MGAT4C: variants seen among roughly 807,000 people sequenced by gnomAD.
The protein encoded by MGAT4C is alpha-1,3-mannosyl-glycoprotein 4-beta-N-acetylglucosaminyltransferase C.
Under a neutral mutation model 40.1 loss-of-function variants are expected in MGAT4C, and 19 were observed. The ratio of observed to expected loss-of-function variants is 0.47; its 90% confidence interval spans 0.33 to 0.70. The LOEUF (loss-of-function observed/expected upper bound fraction) is 0.70, where lower values mean the gene tolerates loss of function less well. Ranked by LOEUF, MGAT4C falls within the 30% of genes least tolerant of loss-of-function variation. The probability of loss-of-function intolerance (pLI) is 0.02; values close to 1 mark genes in which losing one functional copy is unlikely to be tolerated. For missense variants in MGAT4C, 491 were observed against 563.2 expected (o/e 0.87, Z 1.30); for synonymous variants, 181 against 187.1 (o/e 0.97, Z 0.27).
At chr12:86,172,666 A>G (rs1886976938) in intron 1 of MGAT4C, among the ~76,000 whole-genome samples, 1 of 152,106 alleles carries the variant, frequency 6.6e-6, no homozygotes, top group Non-Finnish European at 1.5e-5. Context: ...AGTTGTCTGT[A>G]CATCCTATAA....
At chr12:86,649,556 A>G (rs1448408994) in intron 2 of MGAT4C, among the ~76,000 whole-genome samples, 1 of 151,804 alleles carries the variant, frequency 6.6e-6, no homozygotes, top group African/African-American at 2.4e-5. Context: ...TTATTCTGTT[A>G]TAAGAAGAGA....
chr12:86,692,974 T>C (rs1482435225), intron 2 of MGAT4C, among the ~76,000 whole-genome samples: 1 of 152,174 alleles, frequency 6.6e-6, no homozygotes, highest in Non-Finnish European at 1.5e-5. Flanking sequence ...ATGGACCTTC[T>C]GTAACTAGAG....
At chr12:86,446,944 C>T (rs1277249086) in intron 2 of MGAT4C, among the ~76,000 whole-genome samples, 1 of 151,654 alleles carries the variant, frequency 6.6e-6, no homozygotes. Flanking sequence ...AGAAGTTTTA[C>T]TGGGCCATGC....
intron 2 of MGAT4C, among the ~76,000 whole-genome samples, chr12:86,689,801 A>C (rs891904376): frequency 2.0e-5 from 3 of 152,196 alleles, no homozygotes; most frequent in Non-Finnish European, 4.4e-5. Context: ...TCAGGGACCC[A>C]CTTGAGCAGG....
chr12:86,053,502 A>G (rs999574716), intron 1 of MGAT4C, among the ~76,000 whole-genome samples: 6 of 151,880 alleles, frequency 4.0e-5, no homozygotes, highest in African/African-American at 1.4e-4. Flanking sequence ...CATAATCTCT[A>G]TAATACTGGT....
At chr12:86,477,367 C>T (rs531173560) in intron 2 of MGAT4C, among the ~76,000 whole-genome samples, 95 of 151,940 alleles carry the variant, frequency 6.3e-4, no homozygotes, top group African/African-American at 2.3e-3. Context: ...ATATTGAGTT[C>T]TCATGGGCAT....
chr12:86,257,622 T>G (rs969957429), upstream of MGAT4C, among the ~76,000 whole-genome samples: 1 of 152,236 alleles, frequency 6.6e-6, no homozygotes, highest in Non-Finnish European at 1.5e-5. Flanking sequence ...ACTTGTTACA[T>G]TCCCTCTGCA....
intron 4 of MGAT4C, among the ~76,000 whole-genome samples, chr12:86,329,845 C>G (rs545282852): frequency 6.6e-6 from 1 of 152,220 alleles, no homozygotes; most frequent in South Asian, 2.1e-4. Flanking sequence ...TGGTAAATCC[C>G]CTGCAGATCT....
Position 86,051,065 on chromosome 12 carries a change from G to T in MGAT4C, c.-56-1342C>A, listed in dbSNP as rs368944552. Among the ~76,000 whole-genome samples, 4 of 152,048 alleles carry T rather than the reference G, an allele frequency of 2.6e-5. No individual in the cohort carries two copies. The East Asian group carries it at 7.7e-4, about 29-fold the overall frequency. ...GCATTGTGTATTTGGTCACAGCAAG[G>T]TGTTTGGTTTATGGAGTTTATGTTT... On this transcript the variant is annotated intron_variant, in intron 1 of 4. Coordinates refer to ENST00000611864, the MANE Select transcript of MGAT4C (RefSeq NM_001351288.2).
chr12:86,642,973 A>T (rs1963434116), intron 2 of MGAT4C, among the ~76,000 whole-genome samples: 2 of 151,912 alleles, frequency 1.3e-5, no homozygotes, highest in South Asian at 2.1e-4. Flanking sequence ...TCTTCAAAAA[A>T]TTAAACTTAG....
intron 3 of MGAT4C, among the ~76,000 whole-genome samples, chr12:86,396,075 A>G (rs1437804187): frequency 6.6e-6 from 1 of 152,092 alleles, no homozygotes; most frequent in Non-Finnish European, 1.5e-5. Flanking sequence ...GGTAATAACT[A>G]TCATTCAACA....
Position 85,983,678 on chromosome 12 carries a change from C to A in MGAT4C, c.148-8G>T. On this transcript the variant is annotated splice_polypyrimidine_tract_variant and splice_region_variant and intron_variant, in intron 3 of 4. Coordinates refer to ENST00000611864, the MANE Select transcript of MGAT4C (RefSeq NM_001351288.2). Reference sequence around the variant, plus strand: ...AAGTTGTTTGTCTCCTTCCTAAATACCAAGAAAGAAGCAAGGAAAATATAT... The same window carrying A: ...AAGTTGTTTGTCTCCTTCCTAAATAACAAGAAAGAAGCAAGGAAAATATAT... 20 of 1,545,200 alleles carry A rather than the reference C, an allele frequency of 1.3e-5. No homozygotes were observed. The highest frequency in any genetic ancestry group is 2.5e-5 in the South Asian group (2 of 79,950).
chr12:86,797,734 G>C (rs2136199765), intron 1 of MGAT4C, among the ~76,000 whole-genome samples: 1 of 151,950 alleles, frequency 6.6e-6, no homozygotes, highest in South Asian at 2.1e-4. Context: ...CCTGTAACTT[G>C]TCCTGAAATA....
intron 2 of MGAT4C, among the ~76,000 whole-genome samples, chr12:86,721,430 A>C (rs1288164992): frequency 6.6e-6 from 1 of 151,964 alleles, no homozygotes; most frequent in Non-Finnish European, 1.5e-5. Flanking sequence ...CCATAAGAAA[A>C]AAAAAAGTAG....
At chr12:86,023,922 A>G (rs1406117419) in intron 2 of MGAT4C, among the ~76,000 whole-genome samples, 1 of 151,766 alleles carries the variant, frequency 6.6e-6, no homozygotes, top group Non-Finnish European at 1.5e-5. Context: ...TTCTTCCTGA[A>G]CAAGCATAAT....
chr12:86,581,529 T>C (rs980434575), intron 2 of MGAT4C, among the ~76,000 whole-genome samples: 2 of 151,452 alleles, frequency 1.3e-5, no homozygotes, highest in African/African-American at 4.8e-5. Flanking sequence ...ACAGCACTGC[T>C]TCTCCACTTA....
intron 4 of MGAT4C, among the ~76,000 whole-genome samples, chr12:86,280,825 T>C (rs1953200668): frequency 6.6e-6 from 1 of 152,082 alleles, no homozygotes; most frequent in African/African-American, 2.4e-5. Flanking sequence ...TCTTATTGTT[T>C]ACATTTACAA....
intron 1 of MGAT4C, among the ~76,000 whole-genome samples, chr12:86,774,582 C>T (rs1191500520): frequency 1.3e-5 from 2 of 151,844 alleles, no homozygotes; most frequent in Non-Finnish European, 2.9e-5. Context: ...TCATATTTTT[C>T]TCCTGTAGAA....
chr12:86,512,189 C>A (rs1378065089), intron 2 of MGAT4C, among the ~76,000 whole-genome samples: 1 of 152,004 alleles, frequency 6.6e-6, no homozygotes, highest in African/African-American at 2.4e-5. Flanking sequence ...CATTAATTCT[C>A]AGGGAAATCC....
Sources: allele counts gnomAD v4.1 joint callset (sites outside exome capture counted in the v4.1 genomes callset), GRCh38; gene constraint gnomAD v4.1.1; transcripts MANE v1.5; gene names NCBI Gene and HGNC (gene_info 2026-07-23, HGNC 2026-07-21).